Variants in PNPLA8 observed in about 807,000 individuals in gnomAD.
PNPLA8 encodes the protein calcium-independent phospholipase A2-gamma.
In PNPLA8, 39 loss-of-function variants were observed where a neutral mutation model predicts 76.9. The observed-to-expected ratio is 0.51, with a 90% CI of 0.39 to 0.66. PNPLA8 has a LOEUF of 0.66. Among genes scored for constraint, PNPLA8 ranks in the 30% least tolerant of loss-of-function variants. The probability of loss-of-function intolerance (pLI) is 0.00; values close to 1 mark genes in which losing one functional copy is unlikely to be tolerated. For missense variants in PNPLA8, 887 were observed against 918.0 expected (o/e 0.97, Z 0.44); for synonymous variants, 301 against 307.9 (o/e 0.98, Z 0.24).
intron 9 of PNPLA8, among the ~76,000 whole-genome samples, chr7:108,482,609 C>G (rs1860476794): frequency 6.6e-6 from 1 of 152,200 alleles, no homozygotes; most frequent in African/African-American, 2.4e-5. Flanking sequence ...TGGATCACTT[C>G]AGGAATAACT....
rs772645484 is a variant in PNPLA8, at chr7:108,490,510, G to A, written c.1683+900C>T. On this transcript the variant is annotated intron_variant, in intron 8 of 10. Transcript: ENST00000257694. The stretch of plus-strand genomic sequence containing the variant: ...AAAATCTAGGGTAAGAAGGCTGGGC[G>A]CGGTGGCTCACGCCCGTAATCCCAG... Among the ~76,000 whole-genome samples the A allele has an allele frequency of 9.9e-5, 15 of 152,284 alleles. 1 individual carries two copies. The South Asian group carries it at 1.9e-3, about 19-fold the overall frequency.
intron 5 of PNPLA8, among the ~76,000 whole-genome samples, chr7:108,500,058 T>C (rs1438929093): frequency 6.6e-6 from 1 of 152,238 alleles, no homozygotes; most frequent in East Asian, 1.9e-4. Context: ...TGTTTTTCTA[T>C]TTGTTGTCTT....
intron 4 of PNPLA8, among the ~76,000 whole-genome samples, chr7:108,506,710 G>GAA (rs34829037): frequency 1.4e-5 from 2 of 146,444 alleles, no homozygotes. Flanking sequence ...AATATTGAGT[G>GAA]AAAAAAAAAA....
At chr7:108,487,736 A>AT (rs1860843523) in intron 9 of PNPLA8, 23 bp downstream of exon 9, 1 of 1,491,444 alleles carries the variant, frequency 6.7e-7, no homozygotes, top group East Asian at 2.3e-5. Context: ...ATTTAAAAAA[A>AT]TAAGACATAC....
Position 108,472,669 on chromosome 7 carries a change from T to C in PNPLA8, c.2081A>G (p.His694Arg), listed in dbSNP as rs763788473. 2 of 1,571,638 alleles carry C rather than the reference T, an allele frequency of 1.3e-6. No homozygotes were observed. The highest frequency in any genetic ancestry group is 4.5e-5 in the East Asian group (2 of 44,424). The change falls in exon 11 of 11, where the codon CAT becomes CGT. Residue 694 changes from histidine (H) to arginine (R), a missense_variant. His to Arg is a conservative substitution (Grantham distance 29). Coordinates refer to ENST00000257694, the MANE Select transcript of PNPLA8 (RefSeq NM_001256007.3). ...INSATDTEEVHIMLDGLLPPD... is the reference protein window; with the variant it reads ...INSATDTEEVRIMLDGLLPPD... ...AGGTAACAGGCCATCAAGCATTATA[T>C]GGACTTCTGTTAAAGCAAAAAAGAA...
intron 10 of PNPLA8, among the ~76,000 whole-genome samples, chr7:108,475,396 T>A (rs1245965124): frequency 6.6e-6 from 1 of 152,106 alleles, no homozygotes. Flanking sequence ...TGGAGACCAC[T>A]ATTCTGGGTC....
At chr7:108,494,873 A>G (rs960323466) in intron 7 of PNPLA8, among the ~76,000 whole-genome samples, 7 of 152,218 alleles carry the variant, frequency 4.6e-5, no homozygotes, top group African/African-American at 1.4e-4. Flanking sequence ...TTTACAATAC[A>G]TTGAGGAATA....
chr7:108,521,780 G>A (rs1303739196), intron 1 of PNPLA8, among the ~76,000 whole-genome samples: 1 of 152,054 alleles, frequency 6.6e-6, no homozygotes. Context: ...ACTACAAGGT[G>A]GTTAAAGGCA....
At chr7:108,488,047 T>C (rs1375612669) in intron 8 of PNPLA8, 94 bp from the exon 9 acceptor site, 3 of 615,716 alleles carry the variant, frequency 4.9e-6, no homozygotes, top group Non-Finnish European at 8.5e-6. Context: ...GAATGAACAA[T>C]CTACAACTAT....
chr7:108,478,356 G>A (rs1860145777), intron 10 of PNPLA8, among the ~76,000 whole-genome samples: 1 of 152,058 alleles, frequency 6.6e-6, no homozygotes, highest in Non-Finnish European at 1.5e-5. Flanking sequence ...ACACTTGAAA[G>A]AGGGTTTTGA....
rs1563983930 is a variant in PNPLA8, at chr7:108,515,021, CAG to C, written c.469_470del (p.Leu157GlufsTer4). The C allele has an allele frequency of 6.2e-7, 1 of 1,607,434 alleles. No individual in the cohort carries two copies. Reference protein sequence around the residue: ...QKNIKQAIKSLKKYSDKSAEK... With the variant: ...QKNIKQAIKSXKKYSDKSAEK... ...CTGCTGATTTGTCACTATATTTTTT[CAG>C]AGATTTGATGGCTTGTTTGATGTTT... On this transcript the variant is annotated frameshift_variant, in exon 3 of 11. Transcript: ENST00000257694. LOFTEE classifies it high-confidence loss of function.
At chr7:108,514,084 T>C in intron 4 of PNPLA8, 60 bp downstream of exon 4, 3 of 1,198,142 alleles carry the variant, frequency 2.5e-6, no homozygotes, top group Non-Finnish European at 3.6e-6. Flanking sequence ...TTCTCCATTT[T>C]AGATTTTTTT....
chr7:108,483,953 A>G (rs1481331658), intron 9 of PNPLA8, among the ~76,000 whole-genome samples: 1 of 152,140 alleles, frequency 6.6e-6, no homozygotes, highest in Non-Finnish European at 1.5e-5. Context: ...AACCATTTAA[A>G]CCTTAAATTT....
rs1861989592 is a variant in PNPLA8 at position 108,502,064 on chromosome 7, T to C, written c.1358+427A>G. On this transcript the variant is annotated intron_variant, in intron 5 of 10. Coordinates refer to ENST00000257694, the MANE Select transcript of PNPLA8 (RefSeq NM_001256007.3). ...TAAAGTATTAATTAAAACAATTTCA[T>C]GTTTTATTTTAAAAATTTGATTTTA... Among the ~76,000 whole-genome samples the C allele has an allele frequency of 1.3e-5, 2 of 152,068 alleles. 1 individual carries two copies. The highest frequency in any genetic ancestry group is 4.1e-4 in the South Asian group (2 of 4,832).
At chr7:108,473,967 C>T (rs1209479949) in intron 10 of PNPLA8, among the ~76,000 whole-genome samples, 1 of 152,148 alleles carries the variant, frequency 6.6e-6, no homozygotes, top group African/African-American at 2.4e-5. Flanking sequence ...GCTGGGATTA[C>T]AGGTGTGAAC....
intron 1 of PNPLA8, among the ~76,000 whole-genome samples, chr7:108,525,665 G>T (rs113457484): frequency 2.1e-3 from 324 of 152,356 alleles, no homozygotes; most frequent in African/African-American, 7.0e-3. Context: ...ACCCTCCTGA[G>T]AGTGACCAGT....
At chr7:108,472,723 T>G in intron 10 of PNPLA8, 48 bp from the exon 11 acceptor site, 1 of 1,324,588 alleles carries the variant, frequency 7.5e-7, no homozygotes. Flanking sequence ...AAAGAGGGGA[T>G]AAAGTGAGCA....
chr7:108,523,153 A>G (rs1863860669), intron 1 of PNPLA8, among the ~76,000 whole-genome samples: 1 of 152,184 alleles, frequency 6.6e-6, no homozygotes, highest in South Asian at 2.1e-4. Context: ...GGGACCAAAC[A>G]CTTAGAGAAG....
At chr7:108,476,839 C>T (rs60426977) in intron 10 of PNPLA8, among the ~76,000 whole-genome samples, 42,449 of 151,942 alleles carry the variant, frequency 0.28, 6,258 homozygotes, top group African/African-American at 0.32. Context: ...CTTGCGACAA[C>T]GTGGATGAAC....
Sources: allele counts gnomAD v4.1 joint callset (sites outside exome capture counted in the v4.1 genomes callset), GRCh38; gene constraint gnomAD v4.1.1; transcripts MANE v1.5; gene names NCBI Gene and HGNC (gene_info 2026-07-23, HGNC 2026-07-21).